The following NOS2 variants were observed in gnomAD, a reference collection of about 807,000 sequenced individuals.
NOS2 encodes nitric oxide synthase 2.
Under a neutral mutation model 136.0 loss-of-function variants are expected in NOS2, and 96 were observed. The observed-to-expected ratio is 0.71, with a 90% CI of 0.60 to 0.84. NOS2 has a LOEUF of 0.84. NOS2 is among the 40% of genes least tolerant of loss of function. The pLI, the probability that NOS2 is intolerant of heterozygous loss-of-function variation, is 0.00. For missense variants in NOS2, 1,237 were observed against 1,496.9 expected (o/e 0.83, Z 2.87); for synonymous variants, 539 against 587.5 (o/e 0.92, Z 1.20).
Position 27,778,963 on chromosome 17 carries a change from C to A in NOS2, c.1098G>T (p.Gly366=), listed in dbSNP as rs756567084. The A allele has an allele frequency of 9.9e-6, 16 of 1,613,068 alleles. No homozygotes were observed. Among genetic ancestry groups the A allele is most frequent in the Non-Finnish European group, 1.3e-5 (15 of 1,179,238 alleles). Residue 366 remains glycine (G), a synonymous_variant, in exon 10 of 27, where the codon GGG becomes GGT. Transcript: ENST00000313735. ...CCATGTACCAGCCATTGAAGGGGCA[C>A]CCTGGGAACTCCAGGCCGCCCACCT... is the stretch of plus-strand genomic sequence containing the variant. ...LLEVGGLEFP[G]CPFNGWYMGT... is the part of the protein sequence containing the mutation.
chr17:27,770,517 CACCAAAA>C (rs1432851329), intron 15 of NOS2, among the ~76,000 whole-genome samples: 1 of 152,170 alleles, frequency 6.6e-6, no homozygotes, highest in Non-Finnish European at 1.5e-5. Flanking sequence ...AACAAACAAA[CACCAAAA>C]ACCAAAAAAC....
chr17:27,783,062 T>A lies in NOS2; in HGVS notation c.512A>T (p.Lys171Met), dbSNP rs745669326. The A allele has an allele frequency of 5.5e-5, 89 of 1,614,084 alleles. No homozygotes were observed. Among genetic ancestry groups the A allele is most frequent in the Non-Finnish European group, 7.0e-5 (83 of 1,180,046 alleles). ...EHLARVEAVTKEIETTGTYQL... is the reference protein window; with the variant it reads ...EHLARVEAVTMEIETTGTYQL... ...GTAGGTTCCTGTTGTTTCTATCTCC[T>A]TTGTTACCGCTTCCACCCTGGCCAG... is the stretch of plus-strand genomic sequence containing the variant. Residue 171 changes from lysine to methionine, a missense_variant, in exon 6 of 27, where the codon AAG (lysine) becomes ATG (methionine). Physicochemically the swap from Lys to Met is moderately conservative, Grantham distance 95. Around this residue, in one of 3 missense-constraint regions of NOS2, gnomAD observed 440 missense variants for 545.4 expected, o/e 0.81. Transcript: ENST00000313735.
At chr17:27,759,723 G>C (rs556176781) in intron 25 of NOS2, among the ~76,000 whole-genome samples, 1 of 152,268 alleles carries the variant, frequency 6.6e-6, no homozygotes, top group South Asian at 2.1e-4. Context: ...CTTGAGCGTA[G>C]CCAGCCTGGA....
At chr17:27,765,036 T>A (rs892815202) in intron 20 of NOS2, among the ~76,000 whole-genome samples, 3 of 152,186 alleles carry the variant, frequency 2.0e-5, no homozygotes, top group African/African-American at 7.2e-5. Flanking sequence ...TGGAGTGTAG[T>A]GGCGAGATCT....
In NOS2 at chr17:27,757,311, G is replaced by A; in HGVS notation, c.3397C>T (p.Pro1133Ser). The A allele has an allele frequency of 6.2e-7, 1 of 1,614,112 alleles. No individual in the cohort carries two copies. The highest frequency in any genetic ancestry group is 2.2e-5 in the East Asian group (1 of 44,888). ...ACCCTGTCCTTCTTCGCCTCGTAAG[G>A]AAATACAGCACCAAAGATATCTTCG... Reference protein sequence around the residue: ...YHEDIFGAVFPYEAKKDRVAV... With the variant: ...YHEDIFGAVFSYEAKKDRVAV... The change falls in exon 27 of 27, where the codon CCT (proline) becomes TCT (serine). Residue 1133 changes from proline (P) to serine (S), a missense_variant. Transcript: ENST00000313735.
intron 2 of NOS2, among the ~76,000 whole-genome samples, chr17:27,794,171 G>GCCACACAGCAGCCCCAGGA (rs1909282346): frequency 2.0e-5 from 3 of 152,234 alleles, no homozygotes; most frequent in South Asian, 4.1e-4. Context: ...CTTGTCCAGG[G>GCCACACAGCAGCCCCAGGA]CCACACAGCA....
In NOS2 at chr17:27,767,788, G is replaced by A. The variant is rs767807366; in HGVS notation, c.2084C>T (p.Pro695Leu). The change falls in exon 18 of 27, where the codon CCC (proline) becomes CTC (leucine). Residue 695 changes from proline (P) to leucine (L), a missense_variant. Physicochemically the swap from Pro to Leu is moderately conservative, Grantham distance 98. This residue lies in a region of NOS2 where 782 missense variants were observed against 909.9 expected (regional missense o/e 0.86). Transcript: ENST00000313735. The stretch of plus-strand genomic sequence containing the variant: ...GGTCACATTGGAGGTGTAGAGCTTG[G>A]GGATCTGAATGTGCTGTTTGCCTCG... ...DVRGKQHIQI[P>L]KLYTSNVTWD... 49 of 1,612,394 alleles carry A rather than the reference G, an allele frequency of 3.0e-5. 3 individuals are homozygous for A. In the South Asian group the frequency reaches 5.4e-4, roughly 18 times the overall value.
At chr17:27,789,577 C>T (rs1454678878) in intron 3 of NOS2, 27 bp downstream of exon 3, 2 of 1,561,046 alleles carry the variant, frequency 1.3e-6, no homozygotes, top group Non-Finnish European at 1.8e-6. Context: ...GAGGAAGGGG[C>T]TTCCCACACC....
intron 22 of NOS2, among the ~76,000 whole-genome samples, chr17:27,762,571 C>A (rs532934947): frequency 6.6e-6 from 1 of 152,330 alleles, no homozygotes; most frequent in East Asian, 1.9e-4. Context: ...GTAAAATGCA[C>A]ACAGTGCCTA....
chr17:27,772,557 G>A, intron 13 of NOS2, 105 bp from the exon 14 acceptor site: 1 of 1,362,716 alleles, frequency 7.3e-7, no homozygotes, highest in South Asian at 1.3e-5. Flanking sequence ...TGTGGGGCAG[G>A]TTGAGGGAAA....
intron 9 of NOS2, 120 bp downstream of exon 9, chr17:27,780,636 CAGCCCCCTGAG>C (rs1908811707): frequency 1.5e-5 from 18 of 1,176,938 alleles, no homozygotes; most frequent in Non-Finnish European, 4.9e-6. Context: ...CCTTGAAGGC[CAGCCCCCTGAG>C]TGTCACCTGC....
intron 2 of NOS2, among the ~76,000 whole-genome samples, chr17:27,794,714 G>GCGCACACACACA (rs371758052): frequency 8.9e-5 from 13 of 145,612 alleles, no homozygotes; most frequent in African/African-American, 3.0e-4. Flanking sequence ...ACACACACGC[G>GCGCACACACACA]CACACACACA....
intron 4 of NOS2, 103 bp from the exon 5 acceptor site, chr17:27,787,929 G>C: frequency 7.8e-7 from 1 of 1,275,692 alleles, no homozygotes; most frequent in Non-Finnish European, 1.1e-6. Context: ...TGGCTGCTCC[G>C]GCTCCCTGCA....
chr17:27,770,404 T>G (rs1369095328), intron 15 of NOS2, among the ~76,000 whole-genome samples: 1 of 152,172 alleles, frequency 6.6e-6, no homozygotes, highest in Non-Finnish European at 1.5e-5. Context: ...AAGAATCACT[T>G]GAACCAGGGA....
chr17:27,760,624 C>A lies in NOS2; in HGVS notation c.3009G>T (p.Lys1003Asn). The A allele has an allele frequency of 6.4e-7, 1 of 1,553,588 alleles. No individual in the cohort carries two copies. The highest frequency in any genetic ancestry group is 8.7e-7 in the Non-Finnish European group (1 of 1,148,116). ...WQQRLHDSQH[K>N]GVRGGRMTLV... ...CACCTGGGAAGCCTCCAGCCTTACC[C>A]TTGTGCTGGGAGTCATGGAGCCGTT... Residue 1003 changes from lysine (K) to asparagine (N), a missense_variant and splice_region_variant, in exon 24 of 27, where the codon AAG becomes AAT. This residue lies in a region of NOS2 where 782 missense variants were observed against 909.9 expected (regional missense o/e 0.86). Transcript: ENST00000313735.
At chr17:27,758,844 T>C (rs1279136130) in intron 26 of NOS2, 37 bp downstream of exon 26, 1 of 1,372,346 alleles carries the variant, frequency 7.3e-7, no homozygotes, top group Middle Eastern at 2.6e-4. Context: ...CCTGTGCCCT[T>C]GGCCGGCACC....
At chr17:27,768,339 C>T (rs1175946489) in intron 17 of NOS2, among the ~76,000 whole-genome samples, 1 of 152,232 alleles carries the variant, frequency 6.6e-6, no homozygotes, top group Non-Finnish European at 1.5e-5. Flanking sequence ...GCATGCTCCA[C>T]TGTGCCCGAC....
At position 27,788,977 on chromosome 17, in the gene NOS2, C is replaced by A. The variant is rs199875017; in HGVS notation, c.196-46G>T. The stretch of plus-strand genomic sequence containing the variant: ...GTTTTCTCTCAGGTCTCTCCTAGAC[C>A]CCAGGCCCTGCCTTGTCTTAGAGTG... On this transcript the variant is annotated intron_variant, in intron 3 of 26. Transcript: ENST00000313735. The A allele has an allele frequency of 4.1e-4, 654 of 1,594,856 alleles. 2 individuals carry two copies. The Middle Eastern group carries it at 8.7e-3, about 21-fold the overall frequency.
chr17:27,762,384 G>C (rs28944192), intron 22 of NOS2, among the ~76,000 whole-genome samples: 28,349 of 152,132 alleles, frequency 0.19, 2,714 homozygotes, highest in Middle Eastern at 0.23. Flanking sequence ...TGATTGGGAA[G>C]ACTAAGAACC....
Sources: allele counts gnomAD v4.1 joint callset (sites outside exome capture counted in the v4.1 genomes callset), GRCh38; gene constraint gnomAD v4.1.1; regional missense constraint gnomAD v4.1.1; transcripts MANE v1.5; gene names NCBI Gene and HGNC (gene_info 2026-07-23, HGNC 2026-07-21).